Variants in DLG2 observed in about 807,000 individuals in gnomAD.
The protein encoded by DLG2 is disks large homolog 2.
Under a neutral mutation model 132.5 loss-of-function variants are expected in DLG2, and 45 were observed. The observed-to-expected ratio is 0.34, with a 90% CI of 0.27 to 0.44. DLG2 has a LOEUF of 0.44. Ranked by LOEUF, DLG2 falls within the 20% of genes least tolerant of loss-of-function variation. The pLI is 1.00. For missense variants in DLG2, 1,045 were observed against 1,196.9 expected (o/e 0.87, Z 1.87); for synonymous variants, 424 against 419.6 (o/e 1.01, Z -0.13).
intron 4 of DLG2, among the ~76,000 whole-genome samples, chr11:85,242,237 G>C (rs1038537124): frequency 6.6e-6 from 1 of 151,852 alleles, no homozygotes; most frequent in African/African-American, 2.4e-5. Flanking sequence ...TGCATCCAGT[G>C]TTACTATTGA....
intron 14 of DLG2, among the ~76,000 whole-genome samples, chr11:83,947,804 G>A (rs1478180519): frequency 1.3e-5 from 2 of 152,098 alleles, no homozygotes; most frequent in Admixed American, 6.5e-5. Context: ...TCTAACATCT[G>A]TTCTCTTAAC....
In DLG2 at chr11:84,534,730, T is replaced by A. The variant is rs1477309885; in HGVS notation, c.359A>T (p.Lys120Met). The part of the protein sequence containing the change: ...PAWMPVHHCT[K>M]YRYQDEDAPH... ...AGCGTCCTCATCTTGATATCGATAC[T>A]TCTAGGAGAAAAGAAAAGAAAGGAC... Residue 120 changes from lysine to methionine, a missense_variant and splice_region_variant, in exon 7 of 28, where the codon AAG (lysine) becomes ATG (methionine). By Grantham distance (95) the Lys-to-Met change is moderately conservative. Coordinates refer to ENST00000376104, the MANE Select transcript of DLG2 (RefSeq NM_001142699.3). The A allele has an allele frequency of 6.2e-7, 1 of 1,613,856 alleles. No homozygotes were observed. The highest frequency in any genetic ancestry group is 8.5e-7 in the Non-Finnish European group (1 of 1,179,878).
At chr11:84,615,705 A>G (rs2099602725) in intron 6 of DLG2, among the ~76,000 whole-genome samples, 1 of 151,374 alleles carries the variant, frequency 6.6e-6, no homozygotes, top group Admixed American at 6.6e-5. Flanking sequence ...ATACCACAAA[A>G]TAGAGGCTGG....
chr11:84,767,178 G>T (rs998887991), intron 6 of DLG2, among the ~76,000 whole-genome samples: 2 of 151,996 alleles, frequency 1.3e-5, no homozygotes, highest in Non-Finnish European at 2.9e-5. Flanking sequence ...TAATAATACA[G>T]TAGATGCTCA....
chr11:83,557,277 C>T (rs2096537331), intron 19 of DLG2, among the ~76,000 whole-genome samples: 1 of 152,156 alleles, frequency 6.6e-6, no homozygotes, highest in Non-Finnish European at 1.5e-5. Context: ...AAAGCATGTA[C>T]AATCTGTAGA....
intron 6 of DLG2, among the ~76,000 whole-genome samples, chr11:84,642,065 C>A (rs11234105): frequency 8.0e-5 from 11 of 138,216 alleles, no homozygotes; most frequent in African/African-American, 2.8e-4. Flanking sequence ...TATACGCACG[C>A]GTGTGTGTGT....
intron 3 of DLG2, among the ~76,000 whole-genome samples, chr11:85,388,988 C>G (rs1379580820): frequency 1.3e-5 from 2 of 151,956 alleles, no homozygotes; most frequent in African/African-American, 2.4e-5. Flanking sequence ...GCAATGGATC[C>G]AAACCAAGAT....
intron 11 of DLG2, among the ~76,000 whole-genome samples, chr11:84,002,444 C>A (rs1247645026): frequency 6.6e-6 from 1 of 152,174 alleles, no homozygotes; most frequent in Non-Finnish European, 1.5e-5. Flanking sequence ...CCACAGCAAA[C>A]TTCTGCCTGG....
In DLG2 at chr11:84,346,672, G is replaced by A. The variant is rs1188338952; in HGVS notation, c.520-95381C>T. On this transcript the variant is annotated intron_variant, in intron 7 of 27. Transcript: ENST00000376104. Reference sequence around the variant, plus strand: ...GGCTCCCTGCAACCTTCGCCTCCCTGGTTCAAGCAATTCTCCTGCCTCAGC... The same window carrying A: ...GGCTCCCTGCAACCTTCGCCTCCCTAGTTCAAGCAATTCTCCTGCCTCAGC... 7.9e-5 allele frequency among the ~76,000 whole-genome samples: 12 copies of A among 152,162 alleles called. 1 individual carries two copies. The highest frequency in any genetic ancestry group is 1.8e-4 in the Non-Finnish European group (12 of 68,030).
At chr11:84,132,292 G>C (rs1451357823) in intron 9 of DLG2, among the ~76,000 whole-genome samples, 3 of 151,980 alleles carry the variant, frequency 2.0e-5, no homozygotes, top group African/African-American at 7.2e-5. Flanking sequence ...AGATTCATCA[G>C]GGTGTTGGCA....
At chr11:85,234,570 AC>A (rs1196317507) in intron 4 of DLG2, among the ~76,000 whole-genome samples, 1 of 152,018 alleles carries the variant, frequency 6.6e-6, no homozygotes, top group Non-Finnish European at 1.5e-5. Flanking sequence ...TAAATGGGGC[AC>A]CCATGGATAT....
chr11:84,803,007 C>A (rs748062656), intron 6 of DLG2, among the ~76,000 whole-genome samples: 3 of 152,106 alleles, frequency 2.0e-5, no homozygotes, highest in African/African-American at 4.8e-5. Flanking sequence ...ACAGTGTTAG[C>A]CAGGATTGCC....
At chr11:85,282,760 T>G (rs1422372111) in intron 4 of DLG2, among the ~76,000 whole-genome samples, 2 of 152,042 alleles carry the variant, frequency 1.3e-5, no homozygotes, top group African/African-American at 2.4e-5. Context: ...AAAGTTTATG[T>G]TCTTTCGTAA....
chr11:84,650,882 T>TACATAC lies in DLG2; in HGVS notation c.358-116152_358-116151insGTATGT, dbSNP rs1486678624. ...GTGTGTGTGTGTGTGTGTATATATA[T>TACATAC]ATATATATATATATATATAAAATTT... On this transcript the variant is annotated intron_variant, in intron 6 of 27. Transcript: ENST00000376104. Among the ~76,000 whole-genome samples, 219 of 115,470 alleles carry TACATAC rather than the reference T, an allele frequency of 1.9e-3. 1 individual carries two copies. Among genetic ancestry groups the TACATAC allele is most frequent in the Middle Eastern group, 8.6e-3 (2 of 232 alleles). 75.8% of individuals were successfully genotyped at this position (115,470 alleles called of 152,430 possible).
At position 84,181,391 on chromosome 11, in the gene DLG2, G is replaced by A. The variant is rs554552265; in HGVS notation, c.574-17880C>T. Among the ~76,000 whole-genome samples, 59 of 151,946 alleles carry A rather than the reference G, an allele frequency of 3.9e-4. 1 individual carries two copies. The highest frequency in any genetic ancestry group is 2.8e-3 in the Admixed American group (43 of 15,250). On this transcript the variant is annotated intron_variant, in intron 8 of 27. Transcript: ENST00000376104. ...ATAAAGAAAATAAATAATATAAAAT[G>A]CCATTTAAAACGAAAAAAGGCAGAA...
At chr11:84,642,473 C>G (rs1420712462) in intron 6 of DLG2, among the ~76,000 whole-genome samples, 2 of 152,098 alleles carry the variant, frequency 1.3e-5, no homozygotes, top group Non-Finnish European at 2.9e-5. Context: ...TGCAATCACT[C>G]ATAGATCAAA....
At chr11:83,560,818 T>C (rs977635870) in intron 19 of DLG2, among the ~76,000 whole-genome samples, 5 of 144,680 alleles carry the variant, frequency 3.5e-5, no homozygotes, top group Non-Finnish European at 7.5e-5. Context: ...GTAACTATAC[T>C]TAAGAATAAG....
intron 21 of DLG2, among the ~76,000 whole-genome samples, chr11:83,509,518 C>A (rs1208644027): frequency 6.6e-6 from 1 of 151,988 alleles, no homozygotes; most frequent in African/African-American, 2.4e-5. Flanking sequence ...TGCTTTTTTC[C>A]TTTTTGACTA....
At chr11:84,800,795 AAC>A (rs1160763188) in intron 6 of DLG2, 1 of 152,250 alleles carries the variant, frequency 6.6e-6, no homozygotes, top group Non-Finnish European at 1.5e-5. Context: ...AACGGATTTT[AAC>A]AATTTTATGC....
Sources: allele counts gnomAD v4.1 joint callset (sites outside exome capture counted in the v4.1 genomes callset), GRCh38; gene constraint gnomAD v4.1.1; transcripts MANE v1.5; gene names NCBI Gene and HGNC (gene_info 2026-07-23, HGNC 2026-07-21).